Variants in PPM1A observed in about 807,000 individuals in gnomAD.
The protein encoded by PPM1A is protein phosphatase, Mg2+/Mn2+ dependent 1A.
PPM1A carries 7 observed loss-of-function variants against 35.0 expected under a neutral mutation model. The ratio of observed to expected loss-of-function variants is 0.20; its 90% confidence interval spans 0.11 to 0.38. The LOEUF (loss-of-function observed/expected upper bound fraction) is 0.38. Among genes scored for constraint, PPM1A ranks in the 10% least tolerant of loss-of-function variants. The probability of loss-of-function intolerance (pLI) is 1.00; values close to 1 mark genes in which losing one functional copy is unlikely to be tolerated. For synonymous variants in PPM1A, 153 were observed against 167.3 expected (o/e 0.91, Z 0.66); for missense variants, 239 against 467.8 (o/e 0.51, Z 4.51).
intron 1 of PPM1A, among the ~76,000 whole-genome samples, chr14:60,266,560 C>T (rs1458903652): frequency 1.3e-5 from 2 of 152,148 alleles, no homozygotes; most frequent in Non-Finnish European, 2.9e-5. Context: ...AGGGATTCAG[C>T]TACCCACCAC....
In PPM1A at chr14:60,292,579, A is replaced by AGG. The variant is rs1453159125; in HGVS notation, c.*100_*101dup. On this transcript the variant is annotated 3_prime_UTR_variant, in exon 6 of 6. Transcript: ENST00000395076. The surrounding 1 kb of genome is among the most constrained non-coding windows in gnomAD (Gnocchi z 4.2). ...TAACATCCATCCTCAACTTTAAGGA[A>AGG]GGGGATATGACATGGGTGAGAATGA... The AGG allele has an allele frequency of 2.5e-5, 27 of 1,075,676 alleles. No homozygotes were observed. Among genetic ancestry groups the AGG allele is most frequent in the Non-Finnish European group, 3.8e-5 (27 of 714,876 alleles). 66.6% of individuals were successfully genotyped at this position (1,075,676 alleles called of 1,614,324 possible).
upstream of PPM1A, chr14:60,249,147 C>T (rs949214193): frequency 1.2e-6 from 1 of 850,396 alleles, no homozygotes. The surrounding 1 kb of genome is among the most constrained non-coding windows in gnomAD (Gnocchi z 4.5). Flanking sequence ...GGCGGCGGAG[C>T]CAGCGGGGCG....
rs968561599 is a variant in PPM1A at position 60,273,130 on chromosome 14, G to A, written c.-20-9554G>A. Among the ~76,000 whole-genome samples, 2 of 151,954 alleles carry A rather than the reference G, an allele frequency of 1.3e-5. No individual in the cohort carries two copies. The highest frequency in any genetic ancestry group is 2.9e-5 in the Non-Finnish European group (2 of 67,998). On this transcript the variant is annotated intron_variant, in intron 1 of 5. Transcript: ENST00000395076. This position sits in a 1 kb window ranked among gnomAD's most constrained non-coding sequence, Gnocchi z 4.3. Reference sequence around the variant, plus strand: ...TTTTATATGCATATTTACTTTTTGGGTGCACTCTCCTTGTTAATGAGTTAT... The same window carrying A: ...TTTTATATGCATATTTACTTTTTGGATGCACTCTCCTTGTTAATGAGTTAT...
intron 5 of PPM1A, among the ~76,000 whole-genome samples, chr14:60,291,754 T>G (rs1219508670): frequency 2.0e-5 from 3 of 151,646 alleles, no homozygotes; most frequent in Non-Finnish European, 4.4e-5. Context: ...TACATGGTTT[T>G]TTTTTTTTTT....
intron 3 of PPM1A, chr14:60,285,966 T>A (rs1331136414): frequency 6.7e-6 from 8 of 1,191,120 alleles, no homozygotes; most frequent in Non-Finnish European, 8.4e-6. Context: ...CCACATTCTG[T>A]TCAGGATACT....
intron 1 of PPM1A, chr14:60,250,314 A>T: frequency 2.2e-6 from 1 of 446,874 alleles, no homozygotes; most frequent in Non-Finnish European, 3.0e-6. Context: ...CCTTTTAACT[A>T]CGTAAATCGG....
At chr14:60,253,565 A>C (rs1882698104) in intron 1 of PPM1A, among the ~76,000 whole-genome samples, 1 of 152,214 alleles carries the variant, frequency 6.6e-6, no homozygotes, top group African/African-American at 2.4e-5. Context: ...CTTACGATTC[A>C]TAGATTCCTA....
intron 1 of PPM1A, among the ~76,000 whole-genome samples, chr14:60,264,557 A>C (rs976806019): frequency 2.6e-5 from 4 of 152,196 alleles, no homozygotes; most frequent in Admixed American, 6.5e-5. Context: ...CATTTCTATG[A>C]TATGCTTAAG....
At chr14:60,288,323 T>G (rs1055291809) in intron 3 of PPM1A, 1 of 966,052 alleles carries the variant, frequency 1.0e-6, no homozygotes, top group Non-Finnish European at 1.2e-6. Context: ...AACTATTGAT[T>G]CAATTTATCA....
At chr14:60,250,819 CT>C (rs1882317769) in intron 1 of PPM1A, among the ~76,000 whole-genome samples, 2 of 152,234 alleles carry the variant, frequency 1.3e-5, no homozygotes, top group Non-Finnish European at 2.9e-5. Flanking sequence ...TGAAACACTA[CT>C]CTGCTGAGAC....
intron 1 of PPM1A, among the ~76,000 whole-genome samples, chr14:60,250,947 T>G (rs549327844): frequency 6.0e-4 from 91 of 152,362 alleles, no homozygotes; most frequent in African/African-American, 2.1e-3. Context: ...AGATTGTATT[T>G]CTGTAACTCC....
chr14:60,286,627 T>A (rs1358555350), intron 3 of PPM1A: 2 of 985,224 alleles, frequency 2.0e-6, no homozygotes, highest in African/African-American at 3.5e-5. Flanking sequence ...AGCATTGACC[T>A]ACCACACCTA....
At chr14:60,261,093 T>C (rs1303750381) in intron 1 of PPM1A, among the ~76,000 whole-genome samples, 1 of 152,188 alleles carries the variant, frequency 6.6e-6, no homozygotes, top group Non-Finnish European at 1.5e-5. Flanking sequence ...TACTGAGATA[T>C]GTTTACCTTT....
At position 60,298,051 on chromosome 14, in the gene PPM1A, A is replaced by C. The variant is rs945437020; in HGVS notation, c.*5569A>C. 5 of 151,652 alleles carry C rather than the reference A, an allele frequency of 3.3e-5. No individual in the cohort carries two copies. Among genetic ancestry groups the C allele is most frequent in the African/African-American group, 9.7e-5 (4 of 41,376 alleles). 9.4% of individuals were successfully genotyped at this position (151,652 alleles called of 1,614,324 possible). On this transcript the variant is annotated 3_prime_UTR_variant, in exon 6 of 6. Transcript: ENST00000395076. ...GGGACCTGGCTAGAATCTGACATTA[A>C]AATATACTTTTTAAAAAATATTATA... is the stretch of plus-strand genomic sequence containing the variant.
chr14:60,287,789 C>T (rs1054705921), intron 3 of PPM1A: 1 of 982,964 alleles, frequency 1.0e-6, no homozygotes, highest in African/African-American at 1.7e-5. Flanking sequence ...TGTGGTCCTT[C>T]TAAGCCAATT....
intron 1 of PPM1A, among the ~76,000 whole-genome samples, chr14:60,279,478 A>G (rs1886136551): frequency 6.6e-6 from 1 of 152,196 alleles, no homozygotes; most frequent in African/African-American, 2.4e-5. Context: ...TGTGTAACCC[A>G]TACTGATTAA....
intron 3 of PPM1A, chr14:60,287,198 TTAAG>T: frequency 1.1e-6 from 1 of 946,762 alleles, no homozygotes; most frequent in Non-Finnish European, 1.3e-6. Flanking sequence ...TGTGTACACT[TTAAG>T]TTTTAGATGG....
Position 60,296,238 on chromosome 14 carries a change from G to C in PPM1A, c.*3756G>C, listed in dbSNP as rs916692102. The stretch of plus-strand genomic sequence containing the variant: ...TTTAATATTTTAAAATAATTTCACT[G>C]CCCATCTTTACTGGACAAACTCATT... On this transcript the variant is annotated 3_prime_UTR_variant, in exon 6 of 6. Coordinates refer to ENST00000395076, the MANE Select transcript of PPM1A (RefSeq NM_021003.5). The surrounding 1 kb of genome is among the most constrained non-coding windows in gnomAD (Gnocchi z 4.4). The C allele has an allele frequency of 2.0e-5, 3 of 151,890 alleles. No individual in the cohort carries two copies. The allele number at this position is 151,890 out of a possible 1,614,324, so 9.4% of individuals were successfully genotyped here. A position where few individuals can be genotyped will look rare whatever the true frequency, so the allele number is the denominator to read the frequency against.
chr14:60,260,722 C>T (rs924263660), intron 1 of PPM1A, among the ~76,000 whole-genome samples: 14 of 152,104 alleles, frequency 9.2e-5, no homozygotes. Flanking sequence ...ACCATTAATC[C>T]ATTTTCTGTC....
Sources: gnomAD v4.1 joint callset for allele counts (sites outside exome capture counted in the v4.1 genomes callset) on GRCh38, gnomAD v4.1.1 for gene constraint, Gnocchi (gnomAD v3.1) non-coding constraint, MANE v1.5 for transcripts, NCBI Gene and HGNC (gene_info 2026-07-23, HGNC 2026-07-21) for gene names.